LOC112694756: variants seen among roughly 807,000 people sequenced by gnomAD.
chr16:30,055,147 C>T, the LOC112694756 span: 2 of 399,012 alleles, frequency 5.0e-6, no homozygotes, highest in African/African-American at 2.1e-5. Flanking sequence ...GCTGCCTATT[C>T]CACATCCTGA....
the LOC112694756 span, chr16:30,054,458 G>A: frequency 3.2e-5 from 7 of 219,222 alleles, no homozygotes; most frequent in Non-Finnish European, 5.3e-5. Flanking sequence ...TGGATGACAG[G>A]AGCCGGTAAT....
chr16:30,059,215 A>G, the LOC112694756 span, among the ~76,000 whole-genome samples: 1 of 152,098 alleles, frequency 6.6e-6, no homozygotes, highest in East Asian at 1.9e-4. Flanking sequence ...GCTCTCTTTC[A>G]GGCCGGGTGC....
chr16:30,059,920 T>C, the LOC112694756 span, among the ~76,000 whole-genome samples: 1 of 152,104 alleles, frequency 6.6e-6, no homozygotes, highest in African/African-American at 2.4e-5. Flanking sequence ...TCGTGCTTAG[T>C]TCCTTCCACC....
At chr16:30,062,844 A>G in the LOC112694756 span, among the ~76,000 whole-genome samples, 2 of 142,436 alleles carry the variant, frequency 1.4e-5, no homozygotes, top group African/African-American at 5.6e-5. Flanking sequence ...CCATCTCGGA[A>G]AAAAAAAAAA....
the LOC112694756 span, chr16:30,067,417 G>T: frequency 6.2e-7 from 1 of 1,613,818 alleles, no homozygotes; most frequent in Non-Finnish European, 8.5e-7. Context: ...GGAGTGGCAG[G>T]CTGATCCCCT....
chr16:30,066,661 C>T, the LOC112694756 span, among the ~76,000 whole-genome samples: 1 of 152,188 alleles, frequency 6.6e-6, no homozygotes, highest in South Asian at 2.1e-4. Flanking sequence ...TCCTTGAAGC[C>T]TTGGAGCCCG....
At chr16:30,053,768 G>A in the LOC112694756 span, among the ~76,000 whole-genome samples, 1 of 152,348 alleles carries the variant, frequency 6.6e-6, no homozygotes, top group African/African-American at 2.4e-5. Flanking sequence ...GGGGGTGAGA[G>A]GGAGGCTGCA....
the LOC112694756 span, among the ~76,000 whole-genome samples, chr16:30,065,088 A>AGC: frequency 2.0e-5 from 3 of 152,098 alleles, no homozygotes; most frequent in African/African-American, 7.2e-5. Flanking sequence ...CCCGGCGGAG[A>AGC]GCGCGCACGC....
the LOC112694756 span, chr16:30,070,194 C>T: frequency 3.1e-6 from 5 of 1,614,174 alleles, no homozygotes; most frequent in South Asian, 2.2e-5. Flanking sequence ...CCCTCTTCGT[C>T]TCTAACCACG....
chr16:30,058,323 G>T, the LOC112694756 span, among the ~76,000 whole-genome samples: 8 of 152,224 alleles, frequency 5.3e-5, no homozygotes, highest in Admixed American at 1.3e-4. Flanking sequence ...AGCCCAGAAG[G>T]TTACAAATGT....
At chr16:30,066,357 GC>G in the LOC112694756 span, 3 of 152,528 alleles carry the variant, frequency 2.0e-5, no homozygotes, top group Non-Finnish European at 4.4e-5. Context: ...GGTGCTTGAT[GC>G]CCCCTTAACA....
the LOC112694756 span, chr16:30,064,983 G>C: frequency 6.5e-6 from 1 of 153,540 alleles, no homozygotes; most frequent in African/African-American, 2.4e-5. Context: ...GGCAGGAACT[G>C]TGACCCCGCA....
At chr16:30,054,229 A>G in the LOC112694756 span, among the ~76,000 whole-genome samples, 1 of 151,978 alleles carries the variant, frequency 6.6e-6, no homozygotes, top group Non-Finnish European at 1.5e-5. Flanking sequence ...CTGAAGTAGG[A>G]GAATCGCTTG....
the LOC112694756 span, chr16:30,063,593 C>A: frequency 1.4e-4 from 57 of 397,798 alleles, no homozygotes; most frequent in African/African-American, 1.1e-3. Context: ...TTGCACTGTT[C>A]CTGGGAATGA....
the LOC112694756 span, chr16:30,067,403 G>A: frequency 6.2e-7 from 1 of 1,614,032 alleles, no homozygotes; most frequent in Non-Finnish European, 8.5e-7. Context: ...AGGGTGCAGG[G>A]TTGGGAGTGG....
At chr16:30,063,381 C>G in the LOC112694756 span, among the ~76,000 whole-genome samples, 3 of 152,120 alleles carry the variant, frequency 2.0e-5, no homozygotes, top group East Asian at 5.8e-4. Context: ...GCACAGACCC[C>G]GGGACTGTAG....
chr16:30,060,789 A>G, the LOC112694756 span, among the ~76,000 whole-genome samples: 2 of 151,988 alleles, frequency 1.3e-5, no homozygotes, highest in African/African-American at 2.4e-5. Flanking sequence ...ACACAAGAAA[A>G]TCACTTCTCT....
the LOC112694756 span, among the ~76,000 whole-genome samples, chr16:30,058,250 C>CTT: frequency 6.6e-6 from 1 of 152,154 alleles, no homozygotes; most frequent in African/African-American, 2.4e-5. Flanking sequence ...TTCTTTCTGT[C>CTT]CTTGAGCTGT....
At chr16:30,069,527 G>A in the LOC112694756 span, 1 of 1,614,088 alleles carries the variant, frequency 6.2e-7, no homozygotes, top group South Asian at 1.1e-5. Context: ...AAGGCTCTGA[G>A]TGACCACCAC....
Sources: gnomAD v4.1 joint callset for allele counts (sites outside exome capture counted in the v4.1 genomes callset) on GRCh38, gnomAD v4.1.1 for gene constraint, MANE v1.5 for transcripts.